Variants in JAZF1 observed in about 807,000 individuals in gnomAD.
The protein encoded by JAZF1 is JAZF zinc finger 1, also known as juxtaposed with another zinc finger protein 1.
In JAZF1, 8 loss-of-function variants were observed where a neutral mutation model predicts 26.4. The ratio of observed to expected loss-of-function variants is 0.30; its 90% CI spans 0.18 to 0.55. The LOEUF is 0.55. Among genes scored for constraint, JAZF1 ranks in the 20% least tolerant of loss-of-function variants. JAZF1 has a pLI of 0.94. For missense variants in JAZF1, 199 were observed against 322.0 expected (o/e 0.62, Z 2.92); for synonymous variants, 126 against 122.3 (o/e 1.03, Z -0.20).
intron 2 of JAZF1, among the ~76,000 whole-genome samples, chr7:27,956,193 A>G (rs1474872736): frequency 1.3e-5 from 2 of 152,190 alleles, no homozygotes; most frequent in African/African-American, 2.4e-5. Context: ...GAGATCTGTC[A>G]TGAAGCACAG....
At chr7:27,968,658 C>T (rs1562543649) in intron 2 of JAZF1, among the ~76,000 whole-genome samples, 1 of 152,150 alleles carries the variant, frequency 6.6e-6, no homozygotes. Context: ...GCATAATGTG[C>T]CTTTATTATT....
chr7:27,946,373 C>T lies in JAZF1; in HGVS notation c.188+45536G>A, dbSNP rs1007769362. On this transcript the variant is annotated intron_variant, in intron 2 of 4. Coordinates refer to ENST00000283928, the MANE Select transcript of JAZF1 (RefSeq NM_175061.4). Reference sequence around the variant, plus strand: ...TAACCTAAAGAAGATCTATCTAATACGCAATCTGAAGGCACTTTGAAATCT... The same window carrying T: ...TAACCTAAAGAAGATCTATCTAATATGCAATCTGAAGGCACTTTGAAATCT... Among the ~76,000 whole-genome samples the T allele has an allele frequency of 3.3e-5, 5 of 152,158 alleles. No homozygotes were observed. In the South Asian group the frequency reaches 6.2e-4, roughly 19 times the overall value.
intron 2 of JAZF1, among the ~76,000 whole-genome samples, chr7:27,896,839 G>A (rs1439604542): frequency 1.3e-5 from 2 of 152,206 alleles, no homozygotes; most frequent in African/African-American, 4.8e-5. Context: ...TTTATATGCT[G>A]AACTGAGCTT....
At chr7:28,114,181 A>C (rs924138596) in intron 1 of JAZF1, among the ~76,000 whole-genome samples, 1 of 152,214 alleles carries the variant, frequency 6.6e-6, no homozygotes, top group Non-Finnish European at 1.5e-5. Context: ...GGAGAACTTC[A>C]TTATTCCAGC....
Position 27,830,755 on chromosome 7 carries a change from TCA to T in JAZF1, c.*2043_*2044del, listed in dbSNP as rs1782670497. The T allele has an allele frequency of 3.0e-5, 6 of 199,570 alleles. No individual in the cohort carries two copies. The highest frequency in any genetic ancestry group is 3.8e-4 in the South Asian group (2 of 5,244). The allele number at this position is 199,570 out of a possible 1,614,324, so 12.4% of individuals were successfully genotyped here. A position where few individuals can be genotyped will look rare whatever the true frequency, so the allele number is the denominator to read the frequency against. ...GAAAATATAATTTAAAGCACAGTTT[TCA>T]CAGACACAGTACAATACATTCACTA... is the stretch of plus-strand genomic sequence containing the variant. On this transcript the variant is annotated 3_prime_UTR_variant, in exon 5 of 5. Coordinates refer to ENST00000283928, the MANE Select transcript of JAZF1 (RefSeq NM_175061.4).
At chr7:27,925,163 G>A (rs1028186974) in intron 2 of JAZF1, among the ~76,000 whole-genome samples, 3 of 152,146 alleles carry the variant, frequency 2.0e-5, no homozygotes, top group Admixed American at 6.6e-5. Flanking sequence ...AGGAGCCAAA[G>A]GCCATTTGTA....
intron 1 of JAZF1, among the ~76,000 whole-genome samples, chr7:28,145,482 G>A (rs547040340): frequency 1.3e-5 from 2 of 152,262 alleles, no homozygotes; most frequent in East Asian, 1.9e-4. Context: ...ATCACATGAA[G>A]CATTTTTAAA....
chr7:27,920,761 A>G (rs915971245), intron 2 of JAZF1, among the ~76,000 whole-genome samples: 4 of 152,220 alleles, frequency 2.6e-5, no homozygotes, highest in Admixed American at 6.5e-5. Flanking sequence ...ATCACCTGCT[A>G]AGATAAATTA....
intron 3 of JAZF1, among the ~76,000 whole-genome samples, chr7:27,848,029 C>T (rs534721473): frequency 8.5e-5 from 13 of 152,208 alleles, no homozygotes; most frequent in African/African-American, 3.1e-4. Flanking sequence ...TTCTTAGGAT[C>T]ACTTTGGTTA....
At chr7:27,898,877 C>T (rs1046483213) in intron 2 of JAZF1, among the ~76,000 whole-genome samples, 9 of 152,120 alleles carry the variant, frequency 5.9e-5, no homozygotes, top group African/African-American at 1.9e-4. Context: ...GGACATACAA[C>T]CTATAAATCA....
At chr7:28,060,367 T>A (rs1241863912) in intron 1 of JAZF1, among the ~76,000 whole-genome samples, 1 of 152,210 alleles carries the variant, frequency 6.6e-6, no homozygotes, top group Non-Finnish European at 1.5e-5. Context: ...TTTGTGTGTG[T>A]TTTGAGATTT....
chr7:27,908,622 G>A (rs1457126633), intron 2 of JAZF1, among the ~76,000 whole-genome samples: 1 of 152,066 alleles, frequency 6.6e-6, no homozygotes, highest in Non-Finnish European at 1.5e-5. Context: ...CTTTGAAATG[G>A]GCCAGTTTTC....
chr7:28,099,295 G>C (rs925383923), intron 1 of JAZF1, among the ~76,000 whole-genome samples: 2 of 150,714 alleles, frequency 1.3e-5, no homozygotes, highest in African/African-American at 4.9e-5. Flanking sequence ...TATTCAGTCT[G>C]ACTAAAAAAA....
At chr7:28,173,717 T>C (rs1395524171) in intron 1 of JAZF1, among the ~76,000 whole-genome samples, 1 of 151,744 alleles carries the variant, frequency 6.6e-6, no homozygotes, top group African/African-American at 2.4e-5. Flanking sequence ...CAAGGGACAA[T>C]GGCCGTCAGG....
chr7:27,920,000 T>G (rs1190763045), intron 2 of JAZF1, among the ~76,000 whole-genome samples: 1 of 152,200 alleles, frequency 6.6e-6, no homozygotes, highest in African/African-American at 2.4e-5. Flanking sequence ...CTAAAGGGAC[T>G]CTCTTACAGG....
intron 3 of JAZF1, among the ~76,000 whole-genome samples, chr7:27,886,391 C>G (rs1208380207): frequency 6.6e-6 from 1 of 152,332 alleles, no homozygotes; most frequent in Non-Finnish European, 1.5e-5. Context: ...TTAGTCAACA[C>G]ATCCAGGTCT....
Position 27,917,689 on chromosome 7 carries a change from C to T in JAZF1, c.189-22273G>A, listed in dbSNP as rs140479752. Among the ~76,000 whole-genome samples the T allele has an allele frequency of 6.6e-4, 101 of 152,194 alleles. 2 individuals carry two copies. In the Middle Eastern group the frequency reaches 0.014, roughly 21 times the overall value. ...GCTGAGACACTGGTCAGGGTACCTG[C>T]GAGTGGGGAAAAGTACTGCAAAGAA... On this transcript the variant is annotated intron_variant, in intron 2 of 4. Coordinates refer to ENST00000283928, the MANE Select transcript of JAZF1 (RefSeq NM_175061.4).
rs1229996182 is a variant in JAZF1, at chr7:27,846,689, T to G, written c.386-5822A>C. ...AGTGCTAGCTCATGGTGGTTTTGAT[T>G]GCATTTCTCTGATGCTTAGTGATGC... On this transcript the variant is annotated intron_variant, in intron 3 of 4. Transcript: ENST00000283928. The G allele has an allele frequency of 2.1e-5, 7 of 339,722 alleles. No homozygotes were observed. The Admixed American group carries it at 2.7e-4, about 13-fold the overall frequency. The allele number at this position is 339,722 out of a possible 1,614,324, so 21.0% of individuals were successfully genotyped here. A position where few individuals can be genotyped will look rare whatever the true frequency, so the allele number is the denominator to read the frequency against.
intron 2 of JAZF1, among the ~76,000 whole-genome samples, chr7:27,988,647 C>T (rs976239886): frequency 6.6e-6 from 1 of 151,988 alleles, no homozygotes; most frequent in African/African-American, 2.4e-5. Context: ...TCTCCAACAT[C>T]GGTTATTGTG....
Sources: allele counts gnomAD v4.1 joint callset (sites outside exome capture counted in the v4.1 genomes callset), GRCh38; gene constraint gnomAD v4.1.1; transcripts MANE v1.5; gene names NCBI Gene and HGNC (gene_info 2026-07-23, HGNC 2026-07-21).